Variants in IL22RA1 observed in about 807,000 individuals in gnomAD.
IL22RA1 encodes interleukin 22 receptor subunit alpha 1, also known as interleukin-22 receptor subunit alpha-1.
In IL22RA1, 25 loss-of-function variants were observed where a neutral mutation model predicts 32.8. The ratio of observed to expected loss-of-function variants is 0.76; its 90% CI spans 0.55 to 1.06. The LOEUF (loss-of-function observed/expected upper bound fraction) is 1.06. Ranked by LOEUF, IL22RA1 falls within the 50% of genes least tolerant of loss-of-function variation. The pLI is 0.00. For synonymous variants in IL22RA1, 305 were observed against 305.0 expected (o/e 1.00, Z 0.00); for missense variants, 709 against 727.4 (o/e 0.97, Z 0.29).
chr1:24,134,573 G>A (rs1280545109), intron 3 of IL22RA1, among the ~76,000 whole-genome samples, 187 bp from the exon 4 acceptor site: 1 of 152,144 alleles, frequency 6.6e-6, no homozygotes, highest in Non-Finnish European at 1.5e-5. Flanking sequence ...CTGGTGTTTG[G>A]GTTTCAGGCT....
At chr1:24,127,281 C>A (rs955409592) in intron 5 of IL22RA1, among the ~76,000 whole-genome samples, 1 of 152,046 alleles carries the variant, frequency 6.6e-6, no homozygotes, top group Non-Finnish European at 1.5e-5. Context: ...CTCATTCCAT[C>A]CCTCAGCACC....
intron 5 of IL22RA1, among the ~76,000 whole-genome samples, chr1:24,127,617 G>A (rs764731141): frequency 1.1e-4 from 17 of 152,122 alleles, no homozygotes; most frequent in Non-Finnish European, 2.2e-4. Flanking sequence ...CCGGCCATGG[G>A]CAAGTTACCT....
At chr1:24,121,858 T>G in intron 6 of IL22RA1, 121 bp from the exon 7 acceptor site, 1 of 672,778 alleles carries the variant, frequency 1.5e-6, no homozygotes, top group Non-Finnish European at 2.3e-6. Context: ...TCAAGATGCG[T>G]CTGTCCCATA....
intron 4 of IL22RA1, among the ~76,000 whole-genome samples, chr1:24,129,988 C>T (rs369893833): frequency 1.2e-4 from 18 of 152,302 alleles, no homozygotes; most frequent in African/African-American, 3.8e-4. Flanking sequence ...ACTTGCCAGC[C>T]TGATATCTCT....
chr1:24,138,795 C>T, intron 1 of IL22RA1, 81 bp from the exon 2 acceptor site: 1 of 1,507,782 alleles, frequency 6.6e-7, no homozygotes, highest in East Asian at 2.4e-5. Context: ...AGAGTCCTGC[C>T]CCATATAAAT....
chr1:24,121,131 G>A lies in IL22RA1; in HGVS notation c.1399C>T (p.Pro467Ser), dbSNP rs1193983141. 1 of 1,614,210 alleles carries A rather than the reference G, an allele frequency of 6.2e-7. No homozygotes were observed. Residue 467 changes from proline (P) to serine (S), a missense_variant, in exon 7 of 7, where the codon CCC becomes TCC. Physicochemically the swap from Pro to Ser is moderately conservative, Grantham distance 74. Transcript: ENST00000270800. ...ESQEAKSLHQPLGICTDRTSD... is the reference protein window; with the variant it reads ...ESQEAKSLHQSLGICTDRTSD... ...GTTCTGTCTGTGCAAATCCCCAGGG[G>A]CTGGTGCAATGATTTTGCTTCTTGG...
At chr1:24,138,819 C>CA in intron 1 of IL22RA1, 105 bp from the exon 2 acceptor site, 1 of 1,376,200 alleles carries the variant, frequency 7.3e-7, no homozygotes, top group Non-Finnish European at 9.9e-7. Context: ...ATGCAAAGTG[C>CA]CTTTGCTTTC....
intron 5 of IL22RA1, among the ~76,000 whole-genome samples, chr1:24,125,508 G>A (rs186414315): frequency 1.6e-3 from 243 of 152,258 alleles, no homozygotes; most frequent in African/African-American, 5.2e-3. Flanking sequence ...TAATGCAGAC[G>A]TCAGGATACA....
At chr1:24,140,106 T>G (rs2148576448) in intron 1 of IL22RA1, among the ~76,000 whole-genome samples, 1 of 152,366 alleles carries the variant, frequency 6.6e-6, no homozygotes, top group South Asian at 2.1e-4. Context: ...CTGGCATTTG[T>G]GAAGTGCACA....
chr1:24,122,520 G>A (rs1262549132), intron 6 of IL22RA1, among the ~76,000 whole-genome samples: 1 of 152,148 alleles, frequency 6.6e-6, no homozygotes, highest in Non-Finnish European at 1.5e-5. Context: ...AAATGGCCAG[G>A]TGCAGTGGCT....
In IL22RA1 at chr1:24,121,149, CT is replaced by C; in HGVS notation, c.1380del (p.Ala461GlnfsTer32). The C allele has an allele frequency of 6.2e-7, 1 of 1,614,202 alleles. No homozygotes were observed. The highest frequency in any genetic ancestry group is 2.2e-5 in the East Asian group (1 of 44,884). ...CCCAGGGGCTGGTGCAATGATTTTG[CT>C]TCTTGGGATTCCTCCATAGCCAAGG... ...VTSLAMEESQ[E>X]AKSLHQPLGI... On this transcript the variant is annotated frameshift_variant, in exon 7 of 7. Coordinates refer to ENST00000270800, the MANE Select transcript of IL22RA1 (RefSeq NM_021258.4). LOFTEE classifies it low-confidence loss of function (END_TRUNC).
intron 3 of IL22RA1, among the ~76,000 whole-genome samples, chr1:24,136,410 C>T (rs1644242805): frequency 6.6e-6 from 1 of 152,068 alleles, no homozygotes; most frequent in Admixed American, 6.5e-5. Context: ...GTGATCTGAG[C>T]GATGAAGACA....
intron 3 of IL22RA1, among the ~76,000 whole-genome samples, chr1:24,135,883 G>T (rs1644238517): frequency 6.6e-6 from 1 of 152,226 alleles, no homozygotes; most frequent in Non-Finnish European, 1.5e-5. Context: ...TACAATTCAA[G>T]ATGAGATTTG....
chr1:24,133,018 C>A (rs555190265), intron 4 of IL22RA1, among the ~76,000 whole-genome samples: 4 of 151,516 alleles, frequency 2.6e-5, no homozygotes, highest in Non-Finnish European at 5.9e-5. Context: ...CTCATCTAGA[C>A]AATGGAGATG....
At chr1:24,142,157 G>A (rs1644285975) in intron 1 of IL22RA1, among the ~76,000 whole-genome samples, 1 of 152,156 alleles carries the variant, frequency 6.6e-6, no homozygotes, top group South Asian at 2.1e-4. Context: ...ACTGGAGGGG[G>A]TCCCACAGAG....
rs1320912380 is a variant in IL22RA1, at chr1:24,128,262, C to T, written c.549G>A (p.Gln183=). 1 of 1,613,324 alleles carries T rather than the reference C, an allele frequency of 6.2e-7. No homozygotes were observed. Among genetic ancestry groups the T allele is most frequent in the Admixed American group, 1.7e-5 (1 of 59,944 alleles). ...TCAGGCCGAAGAACTCATATTCTCT[C>T]TGCTTCCCTCCAAGGTGCTGAATTG... is the stretch of plus-strand genomic sequence containing the variant. ...RTYQMHLGGK[Q]REYEFFGLTP... Residue 183 remains glutamine (Q), a synonymous_variant, in exon 5 of 7, where the codon CAG becomes CAA. Coordinates refer to ENST00000270800, the MANE Select transcript of IL22RA1 (RefSeq NM_021258.4).
intron 3 of IL22RA1, chr1:24,134,933 C>A (rs1048648114): frequency 3.3e-6 from 2 of 609,572 alleles, no homozygotes; most frequent in Non-Finnish European, 4.1e-6. Flanking sequence ...TGTGGGTCTT[C>A]TTCCTGCCAA....
At chr1:24,126,409 G>A (rs1644161805) in intron 5 of IL22RA1, among the ~76,000 whole-genome samples, 1 of 152,126 alleles carries the variant, frequency 6.6e-6, no homozygotes, top group Admixed American at 6.5e-5. Flanking sequence ...GCCCAGCTCT[G>A]GCAGCTGCCT....
rs759568234 is a variant in IL22RA1, at chr1:24,123,352, AG to A, written c.741del (p.Tyr248ThrfsTer2). ...TTGGTGACATATCTGTAGCTCAGGTAGCAGAGTACTGCGACGAGGAAGCCCA... is the reference window on the plus strand; with the variant it reads ...TTGGTGACATATCTGTAGCTCAGGTACAGAGTACTGCGACGAGGAAGCCCA... ...FSMGFLVAVL[C>X]YLSYRYVTKP... On this transcript the variant is annotated frameshift_variant, in exon 6 of 7. Coordinates refer to ENST00000270800, the MANE Select transcript of IL22RA1 (RefSeq NM_021258.4). LOFTEE classifies it high-confidence loss of function. 1.2e-6 allele frequency: 2 copies of A among 1,614,186 alleles called. No individual in the cohort carries two copies. Among genetic ancestry groups the A allele is most frequent in the Non-Finnish European group, 1.7e-6 (2 of 1,180,034 alleles).
Sources: gnomAD v4.1 joint callset for allele counts (sites outside exome capture counted in the v4.1 genomes callset) on GRCh38, gnomAD v4.1.1 for gene constraint, MANE v1.5 for transcripts, NCBI Gene and HGNC (gene_info 2026-07-23, HGNC 2026-07-21) for gene names.